Variants in CHRM2 observed in about 807,000 individuals in gnomAD.
CHRM2 encodes the protein cholinergic receptor muscarinic 2.
Under a neutral mutation model 25.0 loss-of-function variants are expected in CHRM2, and 8 were observed. The observed-to-expected ratio is 0.32, with a 90% CI of 0.19 to 0.58. The LOEUF is 0.58. Ranked by LOEUF, CHRM2 falls within the 20% of genes least tolerant of loss-of-function variation. The pLI, the probability that CHRM2 is intolerant of heterozygous loss-of-function variation, is 0.88. For synonymous variants in CHRM2, 202 were observed against 205.7 expected, an observed-to-expected ratio of 0.98 and a Z score of 0.15; for missense variants, 440 against 567.1, an observed-to-expected ratio of 0.78 and a Z score of 2.28.
rs115864659 is a variant in CHRM2 at position 136,904,081 on chromosome 7, G to C, written c.-125+34663G>C. 5.1e-3 allele frequency among the ~76,000 whole-genome samples: 772 copies of C among 151,786 alleles called. 5 individuals are homozygous for C. Among genetic ancestry groups the C allele is most frequent in the African/African-American group, 0.018 (726 of 41,450 alleles). On this transcript the variant is annotated intron_variant, in intron 2 of 3. Transcript: ENST00000680005. ...ACTAAAGCATTTTGCATCTACATTT[G>C]CAAGTGAAACTGAGTTAAAAGTTTG...
intron 2 of CHRM2, among the ~76,000 whole-genome samples, chr7:136,905,872 C>A (rs1007076087): frequency 2.0e-5 from 3 of 151,106 alleles, no homozygotes; most frequent in Non-Finnish European, 4.4e-5. Context: ...AATTTAATTG[C>A]TTCTTAGTTT....
chr7:137,000,559 G>GGAAGGAAGGAAGGAAGGAAA lies in CHRM2; in HGVS notation c.-47+8314_-47+8315insAGAAGGAAGGAAGGAAGGAA, dbSNP rs1803948302. Among the ~76,000 whole-genome samples the GGAAGGAAGGAAGGAAGGAAA allele has an allele frequency of 2.1e-5, 3 of 144,784 alleles. No individual in the cohort carries two copies. The Admixed American group carries it at 2.1e-4, about 10-fold the overall frequency. 95.0% of individuals were successfully genotyped at this position (144,784 alleles called of 152,430 possible). On this transcript the variant is annotated intron_variant, in intron 3 of 3. Transcript: ENST00000680005. ...AGAAAAGAAAGAAAGAAGGAAGGAA[G>GGAAGGAAGGAAGGAAGGAAA]GAAGGAAGGAAGGAAGGAAGGAAGG...
intron 2 of CHRM2, among the ~76,000 whole-genome samples, chr7:136,965,752 T>G (rs1046471162): frequency 1.3e-5 from 2 of 152,066 alleles, no homozygotes; most frequent in Admixed American, 6.6e-5. Flanking sequence ...AAGCCATTAT[T>G]ATGATGCATT....
chr7:137,004,399 T>A (rs1330238840), intron 3 of CHRM2, among the ~76,000 whole-genome samples: 1 of 152,042 alleles, frequency 6.6e-6, no homozygotes, highest in Non-Finnish European at 1.5e-5. Flanking sequence ...CTGATAGAGG[T>A]AAAGATTATG....
chr7:136,953,046 A>ATG (rs1800510454), intron 2 of CHRM2, among the ~76,000 whole-genome samples: 1 of 152,174 alleles, frequency 6.6e-6, no homozygotes, highest in Admixed American at 6.5e-5. Flanking sequence ...ATAAATGTGC[A>ATG]TGTGTCTTTA....
chr7:136,982,484 T>C (rs1297844140), intron 2 of CHRM2, among the ~76,000 whole-genome samples: 3 of 152,194 alleles, frequency 2.0e-5, no homozygotes, highest in Non-Finnish European at 2.9e-5. Context: ...GATCCTGTCA[T>C]TATGATGCTA....
intron 2 of CHRM2, among the ~76,000 whole-genome samples, chr7:136,965,149 T>C (rs1242285574): frequency 6.6e-6 from 1 of 152,134 alleles, no homozygotes; most frequent in Non-Finnish European, 1.5e-5. Context: ...TAATAGAGAT[T>C]ATGGTGTTTA....
intron 2 of CHRM2, among the ~76,000 whole-genome samples, chr7:136,965,625 T>C (rs187114864): frequency 4.3e-4 from 66 of 152,102 alleles, no homozygotes; most frequent in African/African-American, 1.5e-3. Flanking sequence ...AAAAACAATC[T>C]TGACGAAGAA....
chr7:136,959,169 T>C (rs1036955285), intron 2 of CHRM2, among the ~76,000 whole-genome samples: 2 of 152,250 alleles, frequency 1.3e-5, no homozygotes, highest in Non-Finnish European at 2.9e-5. Flanking sequence ...AATAGTGCTC[T>C]CTAGATACAT....
intron 2 of CHRM2, among the ~76,000 whole-genome samples, chr7:136,982,822 G>T (rs1802573193): frequency 6.6e-6 from 1 of 152,158 alleles, no homozygotes; most frequent in African/African-American, 2.4e-5. Flanking sequence ...TTGTTAGTCT[G>T]ATGGGCTTCC....
intron 2 of CHRM2, among the ~76,000 whole-genome samples, chr7:136,909,873 A>C (rs1797747654): frequency 6.6e-6 from 1 of 151,938 alleles, no homozygotes; most frequent in Admixed American, 6.6e-5. Flanking sequence ...ATTTTAAGAT[A>C]CTAAAATCAT....
intron 2 of CHRM2, among the ~76,000 whole-genome samples, chr7:136,928,484 A>C (rs904740823): frequency 6.6e-6 from 1 of 152,228 alleles, no homozygotes; most frequent in African/African-American, 2.4e-5. Flanking sequence ...ACATGGTCAC[A>C]TGCTTCATGA....
chr7:136,874,573 C>A (rs1206992337), intron 2 of CHRM2, among the ~76,000 whole-genome samples: 1 of 142,872 alleles, frequency 7.0e-6, no homozygotes, highest in Admixed American at 7.0e-5. Flanking sequence ...CTCTGCCCCC[C>A]CTCTCTCCCC....
chr7:136,937,851 A>C (rs1236351016), intron 2 of CHRM2, among the ~76,000 whole-genome samples: 1 of 152,162 alleles, frequency 6.6e-6, no homozygotes, highest in African/African-American at 2.4e-5. Context: ...CAGAACTCAA[A>C]TTTTCTTTCA....
At chr7:136,993,521 TC>T (rs1245287485) in intron 3 of CHRM2, among the ~76,000 whole-genome samples, 21 of 152,222 alleles carry the variant, frequency 1.4e-4, no homozygotes, top group Middle Eastern at 6.8e-3. Context: ...GTTCACACGT[TC>T]CCTTGAAAAT....
intron 2 of CHRM2, among the ~76,000 whole-genome samples, chr7:136,935,293 T>C (rs62485254): frequency 0.24 from 36,180 of 152,006 alleles, 5,654 homozygotes; most frequent in Non-Finnish European, 0.35. Flanking sequence ...AATTATTTTC[T>C]TATATAAAGC....
intron 2 of CHRM2, among the ~76,000 whole-genome samples, chr7:136,957,920 T>C (rs1800819805): frequency 6.6e-6 from 1 of 152,222 alleles, no homozygotes; most frequent in Non-Finnish European, 1.5e-5. Flanking sequence ...AAACTGAAAT[T>C]TGACACTTTA....
chr7:136,898,958 A>C (rs1797053996), intron 2 of CHRM2: 1 of 152,102 alleles, frequency 6.6e-6, no homozygotes, highest in Non-Finnish European at 1.5e-5. Context: ...TTTATATAGG[A>C]AGCAAATTTT....
At chr7:136,970,637 T>C (rs981317822) in intron 2 of CHRM2, among the ~76,000 whole-genome samples, 2 of 152,162 alleles carry the variant, frequency 1.3e-5, no homozygotes, top group African/African-American at 4.8e-5. Context: ...TTCAGTTCAT[T>C]CATGCAACAA....
Sources: gnomAD v4.1 joint callset for allele counts (sites outside exome capture counted in the v4.1 genomes callset) on GRCh38, gnomAD v4.1.1 for gene constraint, MANE v1.5 for transcripts, NCBI Gene and HGNC (gene_info 2026-07-23, HGNC 2026-07-21) for gene names.